Variants in IZUMO1 observed in about 807,000 individuals in gnomAD.
IZUMO1 encodes izumo sperm-oocyte fusion 1, also known as izumo sperm-egg fusion protein 1.
IZUMO1 carries 44 observed loss-of-function variants against 40.7 expected under a neutral mutation model. That is an observed-to-expected ratio of 1.08 (90% CI 0.85 to 1.39). The LOEUF is 1.39. IZUMO1 is among the 40% of genes most tolerant of loss of function. The pLI is 0.00. For synonymous variants in IZUMO1, 149 were observed against 170.9 expected (o/e 0.87, Z 1.00); for missense variants, 368 against 436.9 (o/e 0.84, Z 1.41).
Position 48,745,820 on chromosome 19 carries a change from C to T in IZUMO1, c.40G>A (p.Gly14Ser), listed in dbSNP as rs201483135. 58 of 1,614,094 alleles carry T rather than the reference C, an allele frequency of 3.6e-5. No individual in the cohort carries two copies. The highest frequency in any genetic ancestry group is 1.4e-5 in the Non-Finnish European group (16 of 1,180,054). The change falls in exon 2 of 10, where the codon GGT (glycine) becomes AGT (serine). Residue 14 changes from glycine to serine, a missense_variant. By Grantham distance (56) the Gly-to-Ser change is moderately conservative. Transcript: ENST00000332955. ...HFTLLCAALA[G>S]CLLPAEGCVI... ...CACCCCTCGGCAGGAAGCAAGCAAC[C>T]GGCCAGCGCCGCACACAGGAGGGTA...
rs542109559 is a variant in IZUMO1 at position 48,743,975 on chromosome 19, G to A, written c.418+200C>T. ...CACTGCACTCCAGCCTGGGTGACAG[G>A]GTGAGACTGTCTCAAAAAAAAGAGT... On this transcript the variant is annotated intron_variant, in intron 5 of 9. Transcript: ENST00000332955. 164 of 614,902 alleles carry A rather than the reference G, an allele frequency of 2.7e-4. 1 individual carries two copies. Among genetic ancestry groups the A allele is most frequent in the Middle Eastern group, 4.7e-4 (1 of 2,138 alleles). The allele number at this position is 614,902 out of a possible 1,614,324, so 38.1% of individuals were successfully genotyped here.
At chr19:48,744,655 C>G in intron 3 of IZUMO1, 116 bp from the exon 4 acceptor site, 2 of 719,002 alleles carry the variant, frequency 2.8e-6, no homozygotes, top group South Asian at 3.2e-5. Context: ...TACAACTGAC[C>G]GTCTAACATA....
chr19:48,743,867 T>C (rs12460295), intron 5 of IZUMO1: 1 of 472,242 alleles, frequency 2.1e-6, no homozygotes, highest in Non-Finnish European at 3.8e-6. Flanking sequence ...GGCGGGCACC[T>C]GTAATCCCAG....
At position 48,742,207 on chromosome 19, in the gene IZUMO1, A is replaced by G. The variant is rs759540044; in HGVS notation, c.600+2T>C. 3.1e-6 allele frequency: 5 copies of G among 1,609,498 alleles called. No individual in the cohort carries two copies. The highest frequency in any genetic ancestry group is 4.3e-6 in the Non-Finnish European group (5 of 1,175,946). ...AAGGGTTACAGAAGTTGAGGCCCTC[A>G]CCCTGTAAAAGCTGTAATCAGTGAG... On this transcript the variant is annotated splice_donor_variant, in intron 7 of 9. Transcript: ENST00000332955. LOFTEE classifies it high-confidence loss of function.
At chr19:48,742,506 C>A (rs1231916286) in intron 6 of IZUMO1, among the ~76,000 whole-genome samples, 197 bp from the exon 7 acceptor site, 1 of 151,848 alleles carries the variant, frequency 6.6e-6, no homozygotes, top group East Asian at 1.9e-4. Context: ...TGCCACCACG[C>A]CTGGCTAATT....
intron 2 of IZUMO1, 54 bp from the exon 3 acceptor site, chr19:48,745,342 C>T: frequency 6.6e-7 from 1 of 1,514,796 alleles, no homozygotes; most frequent in Admixed American, 1.7e-5. Context: ...ATTGGCGCGC[C>T]TAATCTTAGA....
chr19:48,744,093 C>T (rs2033805095), intron 5 of IZUMO1, 82 bp downstream of exon 5: 3 of 1,275,154 alleles, frequency 2.4e-6, no homozygotes, highest in African/African-American at 1.5e-5. Flanking sequence ...AATGACAAAA[C>T]CACCAGGATC....
In IZUMO1 at chr19:48,741,311, G is replaced by T. The variant is rs2033681543; in HGVS notation, c.922C>A (p.Leu308Ile). 6.2e-7 allele frequency: 1 copy of T among 1,600,210 alleles called. No homozygotes were observed. The highest frequency in any genetic ancestry group is 8.5e-7 in the Non-Finnish European group (1 of 1,174,892). The part of the protein sequence containing the change: ...ICGSLALITG[L>I]TFAIFRRRKV... ...CAATGGGTTGCTTACGCAAAGGTAA[G>T]GCCGGTTATCAGTGCTAGGGAGCCG... is the stretch of plus-strand genomic sequence containing the variant. The change falls in exon 9 of 10, where the codon CTT becomes ATT. Residue 308 changes from leucine to isoleucine, a missense_variant. Leu to Ile is a conservative substitution (Grantham distance 5). Coordinates refer to ENST00000332955, the MANE Select transcript of IZUMO1 (RefSeq NM_182575.3). The surrounding 1 kb of genome is among the most constrained non-coding windows in gnomAD (Gnocchi z 4.4).
chr19:48,744,336 G>A (rs2033813720), intron 4 of IZUMO1, 117 bp downstream of exon 4: 2 of 1,204,398 alleles, frequency 1.7e-6, no homozygotes, highest in Non-Finnish European at 2.5e-6. Context: ...TGGGTCTGAA[G>A]GAGGAGGCAG....
chr19:48,744,347 T>C, intron 4 of IZUMO1, 106 bp downstream of exon 4: 1 of 1,200,694 alleles, frequency 8.3e-7, no homozygotes, highest in Non-Finnish European at 1.2e-6. Context: ...GAGGAGGCAG[T>C]TGGGGAAGCT....
At position 48,746,886 on chromosome 19, in the gene IZUMO1, C is replaced by T. The variant is rs17297777; in HGVS notation, c.-525G>A. Reference sequence around the variant, plus strand: ...CCCCTCCGAGCTTCTCACGTAGGGGCCCGAATTCCTTTATAGATATTCCTT... The same window carrying T: ...CCCCTCCGAGCTTCTCACGTAGGGGTCCGAATTCCTTTATAGATATTCCTT... On this transcript the variant is annotated 5_prime_UTR_variant, in exon 1 of 10. Transcript: ENST00000332955. 3,599 of 985,414 alleles carry T rather than the reference C, an allele frequency of 3.7e-3. 8 individuals carry two copies. Among genetic ancestry groups the T allele is most frequent in the Non-Finnish European group, 4.2e-3 (3,508 of 829,896 alleles). The allele number at this position is 985,414 out of a possible 1,614,324, so 61.0% of individuals were successfully genotyped here.
chr19:48,744,606 T>G (rs1027636499), intron 3 of IZUMO1, 67 bp from the exon 4 acceptor site: 24 of 1,148,322 alleles, frequency 2.1e-5, no homozygotes, highest in Non-Finnish European at 3.2e-5. Context: ...GCCTGCAGAG[T>G]CTGGCAGTCT....
At chr19:48,746,178 C>T (rs1317776602) in intron 1 of IZUMO1, 2 of 1,184,692 alleles carry the variant, frequency 1.7e-6, no homozygotes, top group East Asian at 9.6e-5. Context: ...TCATAAGTCC[C>T]CAAACTCAGA....
At chr19:48,742,168 A>T in intron 7 of IZUMO1, 41 bp downstream of exon 7, 1 of 1,517,370 alleles carries the variant, frequency 6.6e-7, no homozygotes, top group South Asian at 1.1e-5. Context: ...CAAGTATTGT[A>T]GTCTAGGGAG....
Position 48,745,881 on chromosome 19 carries a change from C to T in IZUMO1, c.-22G>A, listed in dbSNP as rs776478906. 1 of 1,613,442 alleles carries T rather than the reference C, an allele frequency of 6.2e-7. No homozygotes were observed. Among genetic ancestry groups the T allele is most frequent in the Admixed American group, 1.7e-5 (1 of 60,008 alleles). ...CCATTGCAGCCGGCGCGCACAGTTC[C>T]CGAAGACCGTTAGGAAGGGTGCTCT... On this transcript the variant is annotated 5_prime_UTR_variant, in exon 2 of 10. Coordinates refer to ENST00000332955, the MANE Select transcript of IZUMO1 (RefSeq NM_182575.3).
At chr19:48,745,584 TTTCCCAGGA>T in intron 2 of IZUMO1, 32 bp downstream of exon 2, 2 of 1,609,562 alleles carry the variant, frequency 1.2e-6, no homozygotes, top group Non-Finnish European at 1.7e-6. Flanking sequence ...ATCTCCCTCC[TTTCCCAGGA>T]CCCAGGGGTC....
At chr19:48,744,674 T>C in intron 3 of IZUMO1, 135 bp from the exon 4 acceptor site, 1 of 659,542 alleles carries the variant, frequency 1.5e-6, no homozygotes, top group South Asian at 1.7e-5. Context: ...TAATGCCAGC[T>C]GCTGGGCTAG....
chr19:48,743,372 T>C, intron 6 of IZUMO1, 73 bp downstream of exon 6: 1 of 1,432,300 alleles, frequency 7.0e-7, no homozygotes, highest in South Asian at 1.2e-5. Context: ...CCATCTAGGC[T>C]CTCTCTAGAC....
chr19:48,742,132 G>T (rs2033721885), intron 7 of IZUMO1, 77 bp downstream of exon 7: 2 of 1,487,746 alleles, frequency 1.3e-6, no homozygotes, highest in African/African-American at 1.4e-5. Context: ...TGAGAATCGT[G>T]GGTGCAGGCC....
Sources: allele counts gnomAD v4.1 joint callset (sites outside exome capture counted in the v4.1 genomes callset), GRCh38; gene constraint gnomAD v4.1.1; non-coding constraint Gnocchi (gnomAD v3.1); transcripts MANE v1.5; gene names NCBI Gene and HGNC (gene_info 2026-07-23, HGNC 2026-07-21).